The following LRP1B variants were observed in gnomAD, a reference collection of about 807,000 sequenced individuals.
LRP1B encodes LDL receptor related protein 1B.
Under a neutral mutation model 556.6 loss-of-function variants are expected in LRP1B, and 217 were observed. That is an observed-to-expected ratio of 0.39 (90% confidence interval 0.35 to 0.44). The LOEUF (loss-of-function observed/expected upper bound fraction) is 0.44. Ranked by LOEUF, LRP1B falls within the 20% of genes least tolerant of loss-of-function variation. LRP1B has a pLI of 1.00. For missense variants in LRP1B, 5,053 were observed against 5,620.8 expected (o/e 0.90, Z 3.23); for synonymous variants, 2,047 against 1,865.8 (o/e 1.10, Z -2.50).
intron 1 of LRP1B, among the ~76,000 whole-genome samples, chr2:141,864,565 A>G (rs1224722892): frequency 5.1e-5 from 4 of 77,750 alleles, no homozygotes; most frequent in African/African-American, 2.2e-4. Flanking sequence ...TCTTGAGGGA[A>G]AAAAAAAAAA....
chr2:140,591,800 T>C (rs1278870600), intron 43 of LRP1B, among the ~76,000 whole-genome samples: 1 of 152,190 alleles, frequency 6.6e-6, no homozygotes, highest in African/African-American at 2.4e-5. Flanking sequence ...TATACATAAG[T>C]ATTTCAGGAG....
intron 60 of LRP1B, among the ~76,000 whole-genome samples, chr2:140,474,417 T>G (rs891795607): frequency 3.9e-5 from 6 of 151,926 alleles, no homozygotes; most frequent in Admixed American, 1.3e-4. Context: ...AGACTTTATT[T>G]GGGACCTCGC....
chr2:140,372,896 A>C, intron 69 of LRP1B, 112 bp downstream of exon 69: 1 of 1,135,242 alleles, frequency 8.8e-7, no homozygotes, highest in Non-Finnish European at 1.3e-6. Context: ...CCTTTCTTAA[A>C]AATGGTAAAC....
chr2:140,839,875 AT>A, intron 31 of LRP1B, 115 bp downstream of exon 31: 1 of 710,060 alleles, frequency 1.4e-6, no homozygotes, highest in South Asian at 1.7e-5. Context: ...CAGTTCCTGA[AT>A]TTACTTATTT....
In LRP1B at chr2:140,233,193, A is replaced by G. The variant is rs1387529461; in HGVS notation, c.13793T>C (p.Val4598Ala). Residue 4598 changes from valine to alanine, a missense_variant, in exon 91 of 91, where the codon GTG becomes GCG. Coordinates refer to ENST00000389484, the MANE Select transcript of LRP1B (RefSeq NM_018557.3). ...TATAAAAGATATCACTGATTATGCC[A>G]CTGTCTCTCTTATACCAATTTCTAT... is the stretch of plus-strand genomic sequence containing the variant. ...KKIEIGIRETVA is the reference protein window; with the variant it reads ...KKIEIGIRETAA 1.9e-6 allele frequency: 3 copies of G among 1,590,802 alleles called. No individual in the cohort carries two copies. Among genetic ancestry groups the G allele is most frequent in the East Asian group, 2.3e-5 (1 of 44,226 alleles).
At position 140,525,741 on chromosome 2, in the gene LRP1B, A is replaced by G. The variant is rs373985871; in HGVS notation, c.8026+103T>C. 164 of 1,024,562 alleles carry G rather than the reference A, an allele frequency of 1.6e-4. No individual in the cohort carries two copies. The East Asian group carries it at 3.1e-3, about 20-fold the overall frequency. 63.5% of individuals were successfully genotyped at this position (1,024,562 alleles called of 1,614,324 possible). ...CTGTGCCATTTAAATTTTAATGTCAATAATTGATATTAAGAATAAAATTTT... is the reference window on the plus strand; with the variant it reads ...CTGTGCCATTTAAATTTTAATGTCAGTAATTGATATTAAGAATAAAATTTT... On this transcript the variant is annotated intron_variant, in intron 49 of 90. Coordinates refer to ENST00000389484, the MANE Select transcript of LRP1B (RefSeq NM_018557.3).
At chr2:140,532,939 T>TACATATATAA in intron 47 of LRP1B, among the ~76,000 whole-genome samples, 1 of 114,310 alleles carries the variant, frequency 8.7e-6, no homozygotes, top group Non-Finnish European at 2.0e-5. Context: ...GATATATATA[T>TACATATATAA]ATATATATAC....
chr2:141,739,513 T>C (rs1693619303), intron 2 of LRP1B, among the ~76,000 whole-genome samples: 1 of 152,096 alleles, frequency 6.6e-6, no homozygotes, highest in Non-Finnish European at 1.5e-5. Context: ...CTGTTTCTTG[T>C]CTCTACTACC....
intron 1 of LRP1B, among the ~76,000 whole-genome samples, chr2:141,846,070 A>G (rs1697633953): frequency 6.6e-6 from 1 of 151,628 alleles, no homozygotes; most frequent in African/African-American, 2.4e-5. Flanking sequence ...AGGAGAAGAC[A>G]ATAACGGTAA....
chr2:141,740,368 A>G (rs1365070263), intron 2 of LRP1B, among the ~76,000 whole-genome samples: 1 of 152,180 alleles, frequency 6.6e-6, no homozygotes, highest in African/African-American at 2.4e-5. Context: ...GGAATATAGA[A>G]AATATGCTAA....
chr2:141,892,988 T>A (rs1468361573), intron 1 of LRP1B, among the ~76,000 whole-genome samples: 1 of 152,170 alleles, frequency 6.6e-6, no homozygotes, highest in Non-Finnish European at 1.5e-5. Flanking sequence ...AATGTTTTAA[T>A]CTTAATTTAT....
At chr2:141,197,900 A>C (rs1464193353) in intron 6 of LRP1B, among the ~76,000 whole-genome samples, 3 of 152,154 alleles carry the variant, frequency 2.0e-5, no homozygotes, top group Non-Finnish European at 4.4e-5. Flanking sequence ...AGAAAATCAG[A>C]AAAATTCCAA....
chr2:140,386,048 C>T (rs759846314), intron 66 of LRP1B, 39 bp from the exon 67 acceptor site: 4 of 1,270,040 alleles, frequency 3.1e-6, no homozygotes, highest in Non-Finnish European at 4.6e-6. Flanking sequence ...TGTAGATTTC[C>T]ATGAAGACAT....
intron 2 of LRP1B, among the ~76,000 whole-genome samples, chr2:141,523,967 A>G (rs1029227337): frequency 2.0e-5 from 3 of 152,194 alleles, no homozygotes; most frequent in Non-Finnish European, 4.4e-5. Flanking sequence ...AAGTCGCAAT[A>G]AGATCATTTG....
At chr2:141,595,366 T>A (rs1252072417) in intron 2 of LRP1B, among the ~76,000 whole-genome samples, 1 of 152,086 alleles carries the variant, frequency 6.6e-6, no homozygotes, top group African/African-American at 2.4e-5. Context: ...ACTCTGAAGA[T>A]GCTGGTTTCT....
At chr2:140,669,727 C>T (rs1026638597) in intron 41 of LRP1B, among the ~76,000 whole-genome samples, 10 of 151,626 alleles carry the variant, frequency 6.6e-5, no homozygotes, top group Non-Finnish European at 1.3e-4. Flanking sequence ...TTGGTTGTAA[C>T]ATTATAATAA....
intron 2 of LRP1B, among the ~76,000 whole-genome samples, chr2:141,548,172 A>G (rs73963402): frequency 0.025 from 3,757 of 152,294 alleles, 145 homozygotes; most frequent in African/African-American, 0.086. Flanking sequence ...TTCCTCATCT[A>G]TACAACAGAT....
chr2:141,303,840 C>T (rs780477181), intron 3 of LRP1B, among the ~76,000 whole-genome samples: 5 of 152,164 alleles, frequency 3.3e-5, no homozygotes, highest in Non-Finnish European at 5.9e-5. Context: ...AATCTCCATA[C>T]TGTTTTCCAT....
chr2:140,567,435 C>T (rs893055033), intron 43 of LRP1B, among the ~76,000 whole-genome samples: 1 of 152,186 alleles, frequency 6.6e-6, no homozygotes, highest in African/African-American at 2.4e-5. Context: ...CACGCCCAAA[C>T]CTCCAGAGAA....
Sources: allele counts gnomAD v4.1 joint callset (sites outside exome capture counted in the v4.1 genomes callset), GRCh38; gene constraint gnomAD v4.1.1; transcripts MANE v1.5; gene names NCBI Gene and HGNC (gene_info 2026-07-23, HGNC 2026-07-21).